The following CENPW variants were observed in gnomAD, a reference collection of about 807,000 sequenced individuals.
CENPW encodes cancer-up-regulated gene 2 protein.
In CENPW, 3 loss-of-function variants were observed where a neutral mutation model predicts 11.1. That is an observed-to-expected ratio of 0.27 (90% CI 0.12 to 0.70). The LOEUF (loss-of-function observed/expected upper bound fraction) is 0.70. Ranked by LOEUF, CENPW falls within the 30% of genes least tolerant of loss-of-function variation. The probability of loss-of-function intolerance (pLI) is 0.77; values close to 1 mark genes in which losing one functional copy is unlikely to be tolerated. For missense variants in CENPW, 100 were observed against 105.6 expected, an observed-to-expected ratio of 0.95 and a Z score of 0.23; for synonymous variants, 38 against 42.0, an observed-to-expected ratio of 0.91 and a Z score of 0.37.
At chr6:126,422,143 T>C in the CENPW span, among the ~76,000 whole-genome samples, 2 of 152,132 alleles carry the variant, frequency 1.3e-5, no homozygotes, top group African/African-American at 4.8e-5. Context: ...TATGCAAATA[T>C]ATATTTTCTC....
At chr6:126,341,034 C>A (rs1242997006) in intron 1 of CENPW, among the ~76,000 whole-genome samples, 1 of 152,178 alleles carries the variant, frequency 6.6e-6, no homozygotes, top group Non-Finnish European at 1.5e-5. Flanking sequence ...AGTAATAGAA[C>A]ACCTAGTCAG....
At chr6:126,398,290 G>C in the CENPW span, among the ~76,000 whole-genome samples, 8 of 152,194 alleles carry the variant, frequency 5.3e-5, no homozygotes, top group African/African-American at 1.7e-4. Flanking sequence ...TGTTTTGTTT[G>C]CTGAAGCATC....
the CENPW span, among the ~76,000 whole-genome samples, chr6:126,468,420 C>CAAAAAAAA: frequency 3.7e-5 from 2 of 53,518 alleles, no homozygotes; most frequent in Non-Finnish European, 3.2e-5. Context: ...AACTCTGTCT[C>CAAAAAAAA]AAAAAAAAAA....
At chr6:126,368,100 TCA>T in the CENPW span, among the ~76,000 whole-genome samples, 1 of 152,336 alleles carries the variant, frequency 6.6e-6, no homozygotes, top group South Asian at 2.1e-4. Context: ...TTTCTGTTTC[TCA>T]GTCTTTCTGT....
At chr6:126,362,809 CT>C in the CENPW span, among the ~76,000 whole-genome samples, 1 of 151,926 alleles carries the variant, frequency 6.6e-6, no homozygotes, top group African/African-American at 2.4e-5. Context: ...TAAAATTGTA[CT>C]GAAAACAGGC....
the CENPW span, among the ~76,000 whole-genome samples, chr6:126,438,029 TTTCTTCCA>T: frequency 6.6e-6 from 1 of 151,776 alleles, no homozygotes; most frequent in East Asian, 1.9e-4. Flanking sequence ...GGCTTTTTTT[TTTCTTCCA>T]ACAGAGAGAC....
At chr6:126,373,921 C>T in the CENPW span, among the ~76,000 whole-genome samples, 2 of 152,154 alleles carry the variant, frequency 1.3e-5, no homozygotes, top group Non-Finnish European at 2.9e-5. Context: ...TGGAGGCTCT[C>T]TTTGGAGAAT....
the CENPW span, among the ~76,000 whole-genome samples, chr6:126,372,878 G>A: frequency 2.6e-5 from 4 of 152,086 alleles, no homozygotes; most frequent in East Asian, 1.9e-4. Context: ...GGGATATTAC[G>A]AGTAATATAG....
the CENPW span, among the ~76,000 whole-genome samples, chr6:126,460,782 G>T: frequency 2.7e-4 from 41 of 151,906 alleles, no homozygotes; most frequent in Non-Finnish European, 4.4e-5. Context: ...GGTATCAAGG[G>T]TGGGAAATGG....
the CENPW span, among the ~76,000 whole-genome samples, chr6:126,394,002 A>G: frequency 2.0e-5 from 3 of 151,606 alleles, no homozygotes; most frequent in African/African-American, 7.2e-5. Context: ...GCATCTCTTC[A>G]TTTTCAGTCT....
the CENPW span, among the ~76,000 whole-genome samples, chr6:126,375,455 A>G: frequency 6.6e-6 from 1 of 152,198 alleles, no homozygotes; most frequent in Admixed American, 6.5e-5. Context: ...AAAGATGACA[A>G]GACACTATTG....
the CENPW span, among the ~76,000 whole-genome samples, chr6:126,367,442 C>CTT: frequency 2.6e-4 from 39 of 151,504 alleles, no homozygotes; most frequent in South Asian, 6.3e-4. Context: ...TTTTCTTTTC[C>CTT]TTTTTTTTGG....
Position 126,348,595 on chromosome 6 carries a change from T to C in CENPW, c.*103T>C, listed in dbSNP as rs1583957270. ...TCAGTTAATATGGGATTATTAAATA[T>C]TGGCTATAAGTGATGTGTGTGTTTG... On this transcript the variant is annotated 3_prime_UTR_variant, in exon 3 of 3. Transcript: ENST00000368328. 4.1e-6 allele frequency: 3 copies of C among 728,432 alleles called. No homozygotes were observed. The highest frequency in any genetic ancestry group is 7.2e-6 in the Non-Finnish European group (3 of 415,450). The allele number at this position is 728,432 out of a possible 1,614,324, so 45.1% of individuals were successfully genotyped here.
chr6:126,401,000 T>A, the CENPW span, among the ~76,000 whole-genome samples: 1 of 152,134 alleles, frequency 6.6e-6, no homozygotes. Context: ...TTAAATTCTC[T>A]GTCTTGTAGT....
the CENPW span, among the ~76,000 whole-genome samples, chr6:126,476,824 T>C: frequency 1.3e-5 from 2 of 151,922 alleles, no homozygotes; most frequent in African/African-American, 4.8e-5. Flanking sequence ...ACCTGTGTGA[T>C]CATAAAGAGA....
At chr6:126,343,301 C>T (rs539952693) in intron 1 of CENPW, among the ~76,000 whole-genome samples, 1 of 152,264 alleles carries the variant, frequency 6.6e-6, no homozygotes, top group Admixed American at 6.5e-5. Context: ...AGTAGTACCA[C>T]TCAATTAACT....
chr6:126,402,328 C>A, the CENPW span, among the ~76,000 whole-genome samples: 1 of 151,652 alleles, frequency 6.6e-6, no homozygotes, highest in African/African-American at 2.4e-5. Context: ...TCCCTTCCTT[C>A]CCCTCTCCAT....
chr6:126,410,532 C>G, the CENPW span, among the ~76,000 whole-genome samples: 1 of 151,756 alleles, frequency 6.6e-6, no homozygotes, highest in East Asian at 1.9e-4. Flanking sequence ...TTATGGATGT[C>G]CAAATTTCTC....
chr6:126,365,333 AGAG>A, the CENPW span, among the ~76,000 whole-genome samples: 1 of 152,228 alleles, frequency 6.6e-6, no homozygotes, highest in Non-Finnish European at 1.5e-5. Context: ...TTATAAGAAA[AGAG>A]GTTTAATTAG....
Sources: gnomAD v4.1 joint callset for allele counts (sites outside exome capture counted in the v4.1 genomes callset) on GRCh38, gnomAD v4.1.1 for gene constraint, MANE v1.5 for transcripts, NCBI Gene and HGNC (gene_info 2026-07-23, HGNC 2026-07-21) for gene names.